The following RALYL variants were observed in gnomAD, a reference collection of about 807,000 sequenced individuals.
RALYL encodes the protein RNA-binding Raly-like protein.
RALYL carries 29 observed loss-of-function variants against 35.1 expected under a neutral mutation model. The ratio of observed to expected loss-of-function variants is 0.83; its 90% CI spans 0.61 to 1.13. The LOEUF is 1.13. Ranked by LOEUF, RALYL falls within the 50% of genes most tolerant of loss-of-function variation. RALYL has a pLI of 0.00. For synonymous variants in RALYL, 120 were observed against 127.6 expected (o/e 0.94, Z 0.40); for missense variants, 359 against 360.4 (o/e 1.00, Z 0.03).
chr8:84,407,908 G>A (rs184243350), intron 1 of RALYL, among the ~76,000 whole-genome samples: 58 of 152,058 alleles, frequency 3.8e-4, no homozygotes, highest in African/African-American at 1.1e-3. Flanking sequence ...AAGAAATTGA[G>A]GTTTTGTAAA....
intron 2 of RALYL, among the ~76,000 whole-genome samples, chr8:84,614,910 G>A (rs1183075600): frequency 6.6e-6 from 1 of 150,988 alleles, no homozygotes; most frequent in African/African-American, 2.5e-5. Flanking sequence ...TACAGGCACT[G>A]TACATGGCAT....
intron 1 of RALYL, among the ~76,000 whole-genome samples, chr8:84,259,146 G>T (rs1289615457): frequency 2.6e-5 from 4 of 152,118 alleles, no homozygotes; most frequent in African/African-American, 9.7e-5. Context: ...CTGGAGGAAA[G>T]AAATAGGGCC....
intron 1 of RALYL, among the ~76,000 whole-genome samples, chr8:84,460,007 G>T (rs973534306): frequency 6.6e-6 from 1 of 151,716 alleles, no homozygotes; most frequent in Non-Finnish European, 1.5e-5. Context: ...ACAGGAACAA[G>T]GTTTAAAGAT....
chr8:84,573,160 TA>T (rs1261932324), intron 2 of RALYL, among the ~76,000 whole-genome samples: 2 of 151,454 alleles, frequency 1.3e-5, no homozygotes, highest in Non-Finnish European at 3.0e-5. Context: ...TAAATAAATT[TA>T]AAAAATTTTT....
chr8:84,198,399 A>G (rs756859792), intron 1 of RALYL, among the ~76,000 whole-genome samples: 1 of 152,038 alleles, frequency 6.6e-6, no homozygotes, highest in Non-Finnish European at 1.5e-5. Flanking sequence ...TGATAGGTGT[A>G]TCTATTTATG....
intron 2 of RALYL, among the ~76,000 whole-genome samples, chr8:84,766,605 T>A (rs962269878): frequency 3.3e-5 from 5 of 149,482 alleles, no homozygotes; most frequent in African/African-American, 9.8e-5. Context: ...ACGCCTGTAA[T>A]CCCAGCTACT....
rs111298436 is a variant in RALYL at position 84,278,266 on chromosome 8, C to G, written c.-24+93842C>G. ...CTGAGCAATGGCCTGAGCTGTACAT[C>G]GGCCCCTTTTAGCCACAGCTAGAGC... On this transcript the variant is annotated intron_variant, in intron 1 of 8. Transcript: ENST00000521268. Among the ~76,000 whole-genome samples the G allele has an allele frequency of 3.1e-3, 476 of 152,352 alleles. 5 individuals carry two copies. The highest frequency in any genetic ancestry group is 0.011 in the African/African-American group (461 of 41,580).
intron 1 of RALYL, among the ~76,000 whole-genome samples, chr8:84,197,798 T>A (rs1015629138): frequency 1.3e-5 from 2 of 149,650 alleles, no homozygotes; most frequent in East Asian, 2.0e-4. Flanking sequence ...ACAAAAAAAA[T>A]AAGCGAAACT....
intron 8 of RALYL, among the ~76,000 whole-genome samples, chr8:84,904,344 G>A (rs542331063): frequency 2.6e-5 from 4 of 152,192 alleles, no homozygotes; most frequent in South Asian, 2.1e-4. Context: ...GTTAACCATC[G>A]CTAATTGACC....
intron 2 of RALYL, among the ~76,000 whole-genome samples, chr8:84,699,031 T>C (rs575633740): frequency 2.7e-5 from 4 of 145,910 alleles, no homozygotes; most frequent in Non-Finnish European, 5.9e-5. Context: ...GATAGATAGA[T>C]AGATAGATAG....
chr8:84,201,927 T>A (rs900375371), intron 1 of RALYL, among the ~76,000 whole-genome samples: 2 of 152,176 alleles, frequency 1.3e-5, no homozygotes, highest in Admixed American at 1.3e-4. Context: ...TGTATTACAT[T>A]TAAGTAAATT....
chr8:84,718,247 T>C (rs1236665232), intron 2 of RALYL, among the ~76,000 whole-genome samples: 2 of 152,180 alleles, frequency 1.3e-5, no homozygotes, highest in African/African-American at 4.8e-5. Context: ...GAAATAAACA[T>C]AAACTGCCAA....
chr8:84,667,602 G>A (rs1274820619), intron 2 of RALYL, among the ~76,000 whole-genome samples: 3 of 152,132 alleles, frequency 2.0e-5, no homozygotes, highest in Non-Finnish European at 4.4e-5. Flanking sequence ...TTATCATTAT[G>A]AACTAATGTT....
At chr8:84,736,115 C>T (rs1847266532) in intron 2 of RALYL, among the ~76,000 whole-genome samples, 1 of 151,978 alleles carries the variant, frequency 6.6e-6, no homozygotes, top group Admixed American at 6.6e-5. Flanking sequence ...TCATAACGAA[C>T]AAAGAATTAG....
intron 8 of RALYL, among the ~76,000 whole-genome samples, chr8:84,917,466 T>G (rs1848665290): frequency 6.6e-6 from 1 of 151,800 alleles, no homozygotes; most frequent in African/African-American, 2.4e-5. Context: ...TCCTTTGTGT[T>G]ACAAACAATT....
At chr8:84,892,467 G>C (rs537116708) in intron 8 of RALYL, among the ~76,000 whole-genome samples, 1 of 151,816 alleles carries the variant, frequency 6.6e-6, no homozygotes, top group African/African-American at 2.4e-5. Flanking sequence ...AAAATTAGCC[G>C]GGCATGGTAG....
At chr8:84,320,443 C>T (rs1844591346) in intron 1 of RALYL, among the ~76,000 whole-genome samples, 1 of 150,844 alleles carries the variant, frequency 6.6e-6, no homozygotes, top group South Asian at 2.1e-4. Context: ...CATGCACATA[C>T]ACACACTTAT....
intron 1 of RALYL, among the ~76,000 whole-genome samples, chr8:84,208,444 AT>A (rs202162230): frequency 0.019 from 2,936 of 151,372 alleles, 33 homozygotes; most frequent in African/African-American, 0.033. Context: ...GTGTCTGGTA[AT>A]TTTTTTTTAA....
intron 1 of RALYL, among the ~76,000 whole-genome samples, chr8:84,497,630 G>GTTGTTTT (rs2056182343): frequency 8.4e-6 from 1 of 119,124 alleles, no homozygotes; most frequent in African/African-American, 3.2e-5. Flanking sequence ...TTTTTTTGTT[G>GTTGTTTT]TTTTTGTTTT....
Sources: allele counts gnomAD v4.1 joint callset (sites outside exome capture counted in the v4.1 genomes callset), GRCh38; gene constraint gnomAD v4.1.1; transcripts MANE v1.5; gene names NCBI Gene and HGNC (gene_info 2026-07-23, HGNC 2026-07-21).